Variants in DMXL1 observed in about 807,000 individuals in gnomAD.
DMXL1 encodes Dmx like 1.
In DMXL1, 99 loss-of-function variants were observed where a neutral mutation model predicts 319.2. The observed-to-expected ratio is 0.31, with a 90% CI of 0.26 to 0.37. DMXL1 has a LOEUF of 0.37. Among genes scored for constraint, DMXL1 ranks in the 10% least tolerant of loss-of-function variants. DMXL1 has a pLI of 1.00. For synonymous variants in DMXL1, 1,385 were observed against 1,235.2 expected, an observed-to-expected ratio of 1.12 and a Z score of -2.54; for missense variants, 3,745 against 3,595.6, an observed-to-expected ratio of 1.04 and a Z score of -1.06.
intron 35 of DMXL1, among the ~76,000 whole-genome samples, chr5:119,219,447 C>G (rs1463388339): frequency 6.6e-6 from 1 of 152,080 alleles, no homozygotes; most frequent in Non-Finnish European, 1.5e-5. Flanking sequence ...TCTAAGGTCT[C>G]AGTTTTTTCT....
At chr5:119,173,672 ATGTGTGTG>A (rs771056976) in intron 25 of DMXL1, among the ~76,000 whole-genome samples, 1 of 110,156 alleles carries the variant, frequency 9.1e-6, no homozygotes, top group African/African-American at 2.9e-5. Context: ...AGTAGGATGT[ATGTGTGTG>A]TGTGTGTGTG....
chr5:119,147,235 C>T lies in DMXL1; in HGVS notation c.2690-14C>T, dbSNP rs1442255898. On this transcript the variant is annotated splice_polypyrimidine_tract_variant and intron_variant, in intron 16 of 43. Coordinates refer to ENST00000539542, the MANE Select transcript of DMXL1 (RefSeq NM_001290321.3). The stretch of plus-strand genomic sequence containing the variant: ...CCCTGCCTCAGTTTTTGGTTCTTTT[C>T]TTATGTTTTGTAGATGAAAAAGTAG... 3.1e-6 allele frequency: 5 copies of T among 1,605,438 alleles called. No homozygotes were observed. The highest frequency in any genetic ancestry group is 4.3e-6 in the Non-Finnish European group (5 of 1,174,966).
chr5:119,244,420 A>G lies in DMXL1; in HGVS notation c.8766A>G (p.Leu2922=). The G allele has an allele frequency of 6.2e-7, 1 of 1,614,162 alleles. No individual in the cohort carries two copies. Among genetic ancestry groups the G allele is most frequent in the Non-Finnish European group, 8.5e-7 (1 of 1,180,024 alleles). ...VLAYAPKHQL[L]ISGGRKGFTY... ...CATATGCTCCAAAACATCAGCTACT[A>G]ATATCAGGTGGCAGAAAAGGTTTTA... The change falls in exon 43 of 44, where the codon CTA becomes CTG. Residue 2922 remains leucine (L), a synonymous_variant. Coordinates refer to ENST00000539542, the MANE Select transcript of DMXL1 (RefSeq NM_001290321.3).
At chr5:119,079,744 A>G (rs188377255) in intron 1 of DMXL1, among the ~76,000 whole-genome samples, 1 of 151,812 alleles carries the variant, frequency 6.6e-6, no homozygotes, top group Non-Finnish European at 1.5e-5. Flanking sequence ...GAATCAACAG[A>G]TCTCCTTTGT....
At chr5:119,097,915 T>A in intron 1 of DMXL1, 64 bp from the exon 2 acceptor site, 1 of 1,325,608 alleles carries the variant, frequency 7.5e-7, no homozygotes, top group Non-Finnish European at 1.0e-6. Flanking sequence ...TAGTTAATAC[T>A]AGTATTCTAC....
chr5:119,178,445 A>G (rs1367862139), intron 28 of DMXL1: 1 of 367,798 alleles, frequency 2.7e-6, no homozygotes, highest in African/African-American at 2.2e-5. Flanking sequence ...TTCCTGTACC[A>G]ATAATTAGAA....
chr5:119,228,421 C>T (rs1786000382), intron 38 of DMXL1, among the ~76,000 whole-genome samples: 2 of 152,150 alleles, frequency 1.3e-5, no homozygotes, highest in Non-Finnish European at 2.9e-5. Context: ...GCTTCTGTGG[C>T]ATACAATATT....
chr5:119,199,380 T>C (rs1171019589), intron 32 of DMXL1, among the ~76,000 whole-genome samples: 1 of 152,230 alleles, frequency 6.6e-6, no homozygotes, highest in Non-Finnish European at 1.5e-5. Context: ...GCTCCATCCA[T>C]GTTCCCACAA....
rs1201577868 is a variant in DMXL1 at position 119,150,096 on chromosome 5, G to A, written c.4269G>A (p.Leu1423=). The change falls in exon 18 of 44, where the codon TTG becomes TTA. Residue 1423 remains leucine, a synonymous_variant. Coordinates refer to ENST00000539542, the MANE Select transcript of DMXL1 (RefSeq NM_001290321.3). ...AADDDSCYSS[L]EKSSNESTLS... ...ATGATGATAGCTGTTACTCATCTTT[G>A]GAGAAATCTAGTAATGAGAGTACGT... The A allele has an allele frequency of 2.5e-6, 4 of 1,613,652 alleles. No homozygotes were observed. In the Admixed American group the frequency reaches 6.7e-5, roughly 27 times the overall value.
intron 5 of DMXL1, 121 bp from the exon 6 acceptor site, chr5:119,114,354 G>A (rs2149877782): frequency 1.4e-6 from 1 of 695,964 alleles, no homozygotes; most frequent in South Asian, 1.8e-5. Flanking sequence ...CAAAGATGTG[G>A]GTGTGAAACT....
chr5:119,077,787 G>GTGTGTGTA (rs1362828053), intron 1 of DMXL1, among the ~76,000 whole-genome samples: 5 of 136,680 alleles, frequency 3.7e-5, no homozygotes, highest in African/African-American at 1.1e-4. Flanking sequence ...GTGTGTGTGT[G>GTGTGTGTA]TATATCTGTA....
chr5:119,154,659 G>A lies in DMXL1; in HGVS notation c.4702+2623G>A, dbSNP rs182917299. Reference sequence around the variant, plus strand: ...TGAAGCTAGGTCTTCTGGATAACATGCTGAAGCTTCTACGTCATTCAGCAC... The same window carrying A: ...TGAAGCTAGGTCTTCTGGATAACATACTGAAGCTTCTACGTCATTCAGCAC... On this transcript the variant is annotated intron_variant, in intron 19 of 43. Transcript: ENST00000539542. 2.6e-5 allele frequency: 4 copies of A among 154,596 alleles called. No individual in the cohort carries two copies. In the East Asian group the frequency reaches 7.7e-4, roughly 30 times the overall value. The allele number at this position is 154,596 out of a possible 1,614,324, so 9.6% of individuals were successfully genotyped here.
chr5:119,123,372 AGGGAGAGGGAGAGGAGGGAGAGGAGGG>A (rs1273082001), intron 9 of DMXL1, among the ~76,000 whole-genome samples: 3 of 63,182 alleles, frequency 4.7e-5, no homozygotes, highest in Non-Finnish European at 5.9e-5. Flanking sequence ...GAGGAGGGAG[AGGGAGAGGGAGAGGAGGGAGAGGAGGG>A]GGAGGGAGAG....
At chr5:119,146,415 T>C (rs191982020) in intron 15 of DMXL1, among the ~76,000 whole-genome samples, 2 of 152,118 alleles carry the variant, frequency 1.3e-5, no homozygotes, top group East Asian at 1.9e-4. Context: ...TGAAAACTTA[T>C]GGTTTGGCCA....
intron 9 of DMXL1, among the ~76,000 whole-genome samples, chr5:119,123,647 A>G (rs1762811827): frequency 6.6e-6 from 1 of 151,798 alleles, no homozygotes. Flanking sequence ...CTACAGATAT[A>G]GTATTGTATT....
intron 4 of DMXL1, among the ~76,000 whole-genome samples, chr5:119,106,318 T>C (rs1360183297): frequency 2.0e-5 from 3 of 152,156 alleles, no homozygotes; most frequent in African/African-American, 7.2e-5. Flanking sequence ...GTCCAGCTAA[T>C]ATTAAGGGTT....
chr5:119,078,618 A>G (rs546805176), intron 1 of DMXL1, among the ~76,000 whole-genome samples: 3 of 152,146 alleles, frequency 2.0e-5, no homozygotes, highest in African/African-American at 7.2e-5. Flanking sequence ...ATGCCCAGCT[A>G]ATTTTTTATT....
At chr5:119,202,885 T>TTATATATATATATATATATTTA (rs1781018896) in intron 32 of DMXL1, among the ~76,000 whole-genome samples, 1 of 130,790 alleles carries the variant, frequency 7.6e-6, no homozygotes, top group Admixed American at 8.0e-5. Flanking sequence ...ATATATATTT[T>TTATATATATATATATATATTTA]TATATATATA....
At chr5:119,081,507 C>A in intron 1 of DMXL1, 1 of 915,942 alleles carries the variant, frequency 1.1e-6, no homozygotes, top group Non-Finnish European at 1.3e-6. Flanking sequence ...TTGACTCAAA[C>A]ATCTTCACAC....
Sources: allele counts gnomAD v4.1 joint callset (sites outside exome capture counted in the v4.1 genomes callset), GRCh38; gene constraint gnomAD v4.1.1; transcripts MANE v1.5; gene names NCBI Gene and HGNC (gene_info 2026-07-23, HGNC 2026-07-21).